MINAR1: variants seen among roughly 807,000 people sequenced by gnomAD.
MINAR1 encodes the protein major intrinsically disordered Notch2-binding receptor 1.
A neutral mutation model predicts 65.1 loss-of-function variants in MINAR1; 40 were observed. The ratio of observed to expected loss-of-function variants is 0.61; its 90% CI spans 0.48 to 0.80. MINAR1 has a LOEUF of 0.80. MINAR1 is among the 30% of genes least tolerant of loss of function. The pLI is 0.00. For missense variants in MINAR1, 1,128 were observed against 1,148.0 expected, an observed-to-expected ratio of 0.98 and a Z score of 0.25; for synonymous variants, 482 against 449.1, an observed-to-expected ratio of 1.07 and a Z score of -0.93.
chr15:79,414,039 T>C, the MINAR1 span: 2 of 152,240 alleles, frequency 1.3e-5, no homozygotes, highest in Admixed American at 1.3e-4. Context: ...TGCCTTTGTC[T>C]AGTTGTGAAA....
chr15:79,429,115 A>G (rs189819924), upstream of MINAR1, among the ~76,000 whole-genome samples: 4 of 152,308 alleles, frequency 2.6e-5, no homozygotes, highest in East Asian at 5.8e-4. Flanking sequence ...GGAGGATGTT[A>G]GTCTCTAAGA....
In MINAR1 at chr15:79,457,545, G is replaced by A. The variant is rs1163917086; in HGVS notation, c.1398G>A (p.Gln466=). ...KDKSINCTSG[Q]LSSDTSSVGT... is the part of the protein sequence containing the mutation. The stretch of plus-strand genomic sequence containing the variant: ...AGAGCATTAACTGCACCAGTGGGCA[G>A]CTCAGCTCAGACACCAGTAGCGTGG... Residue 466 remains glutamine (Q), a synonymous_variant, in exon 2 of 4, where the codon CAG becomes CAA. Transcript: ENST00000305428. 1 of 1,614,216 alleles carries A rather than the reference G, an allele frequency of 6.2e-7. No individual in the cohort carries two copies. The highest frequency in any genetic ancestry group is 1.6e-4 in the Middle Eastern group (1 of 6,062).
intron 1 of MINAR1, among the ~76,000 whole-genome samples, chr15:79,449,627 G>GT (rs1352871989): frequency 2.6e-5 from 4 of 152,230 alleles, no homozygotes; most frequent in Non-Finnish European, 5.9e-5. Flanking sequence ...ACCTGGGATG[G>GT]TTTTTAAAAC....
rs770835088 is a variant in MINAR1, at chr15:79,457,715, G to A, written c.1568G>A (p.Arg523Gln). ...AGCGACGACATCAGTGACATTTTCC[G>A]ATTTCTTGATGACATGAGCATCAGT... Reference protein sequence around the residue: ...IVSDDISDIFRFLDDMSISGS... With the variant: ...IVSDDISDIFQFLDDMSISGS... The change falls in exon 2 of 4, where the codon CGA becomes CAA. Residue 523 changes from arginine (R) to glutamine (Q), a missense_variant. By Grantham distance (43) the Arg-to-Gln change is conservative. Coordinates refer to ENST00000305428, the MANE Select transcript of MINAR1 (RefSeq NM_015206.3). 3.6e-5 allele frequency: 58 copies of A among 1,614,074 alleles called. No homozygotes were observed. Among genetic ancestry groups the A allele is most frequent in the African/African-American group, 6.7e-5 (5 of 74,936 alleles).
rs1456094926 is a variant in MINAR1, at chr15:79,432,385, C to G, written c.-206C>G. 1 of 152,314 alleles carries G rather than the reference C, an allele frequency of 6.6e-6. No individual in the cohort carries two copies. The highest frequency in any genetic ancestry group is 1.5e-5 in the Non-Finnish European group (1 of 68,130). The allele number at this position is 152,314 out of a possible 1,614,324, so 9.4% of individuals were successfully genotyped here. Reference sequence around the variant, plus strand: ...CGAAAGTCGCTCCATCCGCGGGGTGCAACCCTGGGCGCGGAATCCGGGCTG... The same window carrying G: ...CGAAAGTCGCTCCATCCGCGGGGTGGAACCCTGGGCGCGGAATCCGGGCTG... On this transcript the variant is annotated 5_prime_UTR_variant, in exon 1 of 4. Coordinates refer to ENST00000305428, the MANE Select transcript of MINAR1 (RefSeq NM_015206.3).
At chr15:79,413,149 C>CA in the MINAR1 span, 1 of 152,170 alleles carries the variant, frequency 6.6e-6, no homozygotes, top group Non-Finnish European at 1.5e-5. Context: ...TCTGAAAACA[C>CA]AAAAAACTAG....
In MINAR1 at chr15:79,456,235, CT is replaced by C. The variant is rs1480968905; in HGVS notation, c.89del (p.Leu30ArgfsTer17). ...GCAAAATACCGTTTCTTATCAGGAC[CT>C]GTGCAAATCTCTCTGTGCCCGGTTC... ...SKQNTVSYQD[L>X]CKSLCARFDL... On this transcript the variant is annotated frameshift_variant, in exon 2 of 4. Coordinates refer to ENST00000305428, the MANE Select transcript of MINAR1 (RefSeq NM_015206.3). LOFTEE classifies it high-confidence loss of function. 5 of 1,614,032 alleles carry C rather than the reference CT, an allele frequency of 3.1e-6. No individual in the cohort carries two copies. Among genetic ancestry groups the C allele is most frequent in the Middle Eastern group, 1.6e-4 (1 of 6,084 alleles).
At chr15:79,437,679 GTGGC>G (rs1165410906) in intron 1 of MINAR1, among the ~76,000 whole-genome samples, 9 of 104,816 alleles carry the variant, frequency 8.6e-5, no homozygotes, top group East Asian at 3.2e-4. Context: ...TGGGGTGTGG[GTGGC>G]GTGGGTAGTG....
the MINAR1 span, chr15:79,426,566 A>G: frequency 1.3e-5 from 2 of 152,250 alleles, no homozygotes; most frequent in African/African-American, 4.8e-5. Context: ...TCTGCTTGGA[A>G]AGGCCATTTG....
chr15:79,463,595 A>G, intron 3 of MINAR1: 1 of 638,910 alleles, frequency 1.6e-6, no homozygotes, highest in South Asian at 1.5e-5. Flanking sequence ...CTAACAATGC[A>G]TTTACGACTC....
At chr15:79,461,285 C>CCTCT (rs140565065) in intron 2 of MINAR1, among the ~76,000 whole-genome samples, 11,187 of 152,274 alleles carry the variant, frequency 0.073, 599 homozygotes, top group East Asian at 0.28. Context: ...AGTCTCTTAA[C>CCTCT]CTGAGTTTCC....
At position 79,456,408 on chromosome 15, in the gene MINAR1, T is replaced by C; in HGVS notation, c.261T>C (p.Ile87=). 1.2e-6 allele frequency: 2 copies of C among 1,614,150 alleles called. No homozygotes were observed. The highest frequency in any genetic ancestry group is 1.7e-6 in the Non-Finnish European group (2 of 1,180,032). The stretch of plus-strand genomic sequence containing the variant: ...AGAAAATCATGGTGGCAGCAGATAT[T>C]GTGACGATATTCAACCTGATCCAAA... ...QSKKIMVAAD[I]VTIFNLIQMN... is the part of the protein sequence containing the mutation. Residue 87 remains isoleucine (I), a synonymous_variant, in exon 2 of 4, where the codon ATT becomes ATC. Coordinates refer to ENST00000305428, the MANE Select transcript of MINAR1 (RefSeq NM_015206.3).
At chr15:79,450,617 C>T (rs1420030703) in intron 1 of MINAR1, among the ~76,000 whole-genome samples, 4 of 151,544 alleles carry the variant, frequency 2.6e-5, no homozygotes, top group Non-Finnish European at 5.9e-5. Context: ...TAGAGAGAGG[C>T]AGTAAATCAT....
chr15:79,434,194 G>A (rs1894531532), intron 1 of MINAR1, among the ~76,000 whole-genome samples: 2 of 152,256 alleles, frequency 1.3e-5, no homozygotes, highest in Non-Finnish European at 1.5e-5. Flanking sequence ...TGAGTTTGGT[G>A]AGGAAGTGTA....
At chr15:79,456,008 T>C (rs1895397769) in intron 1 of MINAR1, 90 bp from the exon 2 acceptor site, 5 of 705,740 alleles carry the variant, frequency 7.1e-6, no homozygotes, top group Non-Finnish European at 1.2e-5. Context: ...TCTGTATTTC[T>C]TTATATGGTT....
Position 79,470,219 on chromosome 15 carries a change from G to C in MINAR1, c.*1835G>C, listed in dbSNP as rs563834855. 6.6e-6 allele frequency: 1 copy of C among 152,584 alleles called. No homozygotes were observed. Among genetic ancestry groups the C allele is most frequent in the African/African-American group, 2.4e-5 (1 of 41,514 alleles). 9.5% of individuals were successfully genotyped at this position (152,584 alleles called of 1,614,324 possible). A position where few individuals can be genotyped will look rare whatever the true frequency, so the allele number is the denominator to read the frequency against. ...TCTATCATCAGAATTATAGTCTTTG[G>C]TGCTCTGTTTTCAATGGGGCATATT... On this transcript the variant is annotated 3_prime_UTR_variant, in exon 4 of 4. Coordinates refer to ENST00000305428, the MANE Select transcript of MINAR1 (RefSeq NM_015206.3).
chr15:79,459,113 G>A (rs1895547590), intron 2 of MINAR1, among the ~76,000 whole-genome samples: 1 of 152,104 alleles, frequency 6.6e-6, no homozygotes, highest in South Asian at 2.1e-4. Flanking sequence ...CCAGGAGGCA[G>A]AGGTTGCAGT....
rs149744226 is a variant in MINAR1, at chr15:79,449,758, A to G, written c.-50-6340A>G. Reference sequence around the variant, plus strand: ...CAACACCTGAATCTTGAAGGGACACAATCAAACCATAGCACTCCCTATCTA... The same window carrying G: ...CAACACCTGAATCTTGAAGGGACACGATCAAACCATAGCACTCCCTATCTA... On this transcript the variant is annotated intron_variant, in intron 1 of 3. Coordinates refer to ENST00000305428, the MANE Select transcript of MINAR1 (RefSeq NM_015206.3). 5.0e-3 allele frequency among the ~76,000 whole-genome samples: 758 copies of G among 152,302 alleles called. 9 individuals are homozygous for G. The highest frequency in any genetic ancestry group is 6.0e-3 in the Non-Finnish European group (408 of 68,024).
At chr15:79,453,164 C>G (rs1026336558) in intron 1 of MINAR1, among the ~76,000 whole-genome samples, 2 of 152,022 alleles carry the variant, frequency 1.3e-5, no homozygotes, top group African/African-American at 2.4e-5. Context: ...GTCCGTGCCC[C>G]CCTCTCTGAG....
Sources: gnomAD v4.1 joint callset for allele counts (sites outside exome capture counted in the v4.1 genomes callset) on GRCh38, gnomAD v4.1.1 for gene constraint, MANE v1.5 for transcripts, NCBI Gene and HGNC (gene_info 2026-07-23, HGNC 2026-07-21) for gene names.